Variants in SBK1 observed in about 807,000 individuals in gnomAD.
SBK1 encodes the protein serine/threonine-protein kinase SBK1.
SBK1 carries 11 observed loss-of-function variants against 24.4 expected under a neutral mutation model. The observed-to-expected ratio is 0.45, with a 90% CI of 0.28 to 0.75. SBK1 has a LOEUF of 0.75. Among genes scored for constraint, SBK1 ranks in the 30% least tolerant of loss-of-function variants. The pLI, the probability that SBK1 is intolerant of heterozygous loss-of-function variation, is 0.12. For missense variants in SBK1, 467 were observed against 620.5 expected (o/e 0.75, Z 2.63); for synonymous variants, 308 against 284.4 (o/e 1.08, Z -0.83).
chr16:28,291,274 G>A (rs1344979909), upstream of SBK1: 1 of 151,784 alleles, frequency 6.6e-6, no homozygotes, highest in Non-Finnish European at 1.5e-5. Flanking sequence ...ACCAAACACC[G>A]CATGTTCTCA....
chr16:28,290,729 G>GAAGAA (rs71389546), upstream of SBK1: 14,778 of 151,830 alleles, frequency 0.097, 1,282 homozygotes, highest in African/African-American at 0.24. Context: ...GAAGAGAAGA[G>GAAGAA]AAGAAAAGAA....
At chr16:28,279,234 T>TA (rs1348054970) in intron 1 of SBK1, among the ~76,000 whole-genome samples, 2 of 125,042 alleles carry the variant, frequency 1.6e-5, no homozygotes, top group Non-Finnish European at 1.7e-5. Context: ...GGAAAGGAAA[T>TA]AAAAAACACC....
At chr16:28,289,769 GA>G (rs796696661), upstream of SBK1, among the ~76,000 whole-genome samples, 179 of 124,750 alleles carry the variant, frequency 1.4e-3, 2 homozygotes, top group South Asian at 3.2e-3. Context: ...CTCCATCTCA[GA>G]AAAAAAAAAA....
rs1435877488 is a variant in SBK1, at chr16:28,320,978, C to G, written c.*57C>G. ...GCCCGGGCCCGCCCCGAGCCGGTGC[C>G]CGGTGCGGCGGTAGGGAATGGAGCC... On this transcript the variant is annotated 3_prime_UTR_variant, in exon 4 of 4. Transcript: ENST00000341901. The surrounding 1 kb of genome is among the most constrained non-coding windows in gnomAD (Gnocchi z 8.5). 6 of 1,328,098 alleles carry G rather than the reference C, an allele frequency of 4.5e-6. No individual in the cohort carries two copies. The East Asian group carries it at 2.2e-4, about 49-fold the overall frequency. 82.3% of individuals were successfully genotyped at this position (1,328,098 alleles called of 1,614,324 possible). A position where few individuals can be genotyped will look rare whatever the true frequency, so the allele number is the denominator to read the frequency against.
intron 1 of SBK1, among the ~76,000 whole-genome samples, chr16:28,264,736 G>C (rs1327681872): frequency 6.6e-6 from 1 of 152,122 alleles, no homozygotes; most frequent in East Asian, 1.9e-4. Flanking sequence ...AAAAGATGGT[G>C]TTGCAAGCCA....
chr16:28,321,982 T>G lies in SBK1; in HGVS notation c.*1061T>G, dbSNP rs1348902157. On this transcript the variant is annotated 3_prime_UTR_variant, in exon 4 of 4. Transcript: ENST00000341901. ...CTCCTGGGTTTCTTGGGGTCAAACA[T>G]GCCAACCTCCAAGACCCCATCCTCA... 6.6e-6 allele frequency: 1 copy of G among 152,358 alleles called. No individual in the cohort carries two copies. Among genetic ancestry groups the G allele is most frequent in the Non-Finnish European group, 1.5e-5 (1 of 68,092 alleles). The allele number at this position is 152,358 out of a possible 1,614,324, so 9.4% of individuals were successfully genotyped here. A position where few individuals can be genotyped will look rare whatever the true frequency, so the allele number is the denominator to read the frequency against.
chr16:28,293,427 G>A, intron 1 of SBK1, 127 bp downstream of exon 1: 1 of 316,464 alleles, frequency 3.2e-6, no homozygotes, highest in Non-Finnish European at 4.6e-6. Flanking sequence ...AGCCGAGGCT[G>A]AAGGACGTCT....
intron 1 of SBK1, among the ~76,000 whole-genome samples, chr16:28,281,490 G>A (rs2044533050): frequency 6.6e-6 from 1 of 152,178 alleles, no homozygotes; most frequent in Non-Finnish European, 1.5e-5. Flanking sequence ...ACGGGAGGTG[G>A]ATGGAGAGAG....
At position 28,317,749 on chromosome 16, in the gene SBK1, G is replaced by C; in HGVS notation, c.226+132G>C. On this transcript the variant is annotated intron_variant, in intron 2 of 3. Coordinates refer to ENST00000341901, the MANE Select transcript of SBK1 (RefSeq NM_001024401.3). The surrounding 1 kb of genome is among the most constrained non-coding windows in gnomAD (Gnocchi z 4.2). ...CTGTGGAAGCCAGGAGGCAGGGTCA[G>C]GGGCCAGATGTAGAGGATGAGGCCT... 2.9e-6 allele frequency: 2 copies of C among 686,246 alleles called. No homozygotes were observed. The highest frequency in any genetic ancestry group is 5.2e-6 in the Non-Finnish European group (2 of 382,318). The allele number at this position is 686,246 out of a possible 1,614,324, so 42.5% of individuals were successfully genotyped here.
intron 1 of SBK1, among the ~76,000 whole-genome samples, chr16:28,276,358 G>A (rs546257362): frequency 4.6e-4 from 70 of 152,284 alleles, no homozygotes; most frequent in African/African-American, 1.5e-3. Flanking sequence ...GCAACTGGGA[G>A]GCATAGTGAG....
upstream of SBK1, among the ~76,000 whole-genome samples, chr16:28,289,828 G>A (rs532843038): frequency 1.3e-5 from 2 of 151,596 alleles, no homozygotes; most frequent in South Asian, 2.1e-4. Flanking sequence ...GCTCACACTC[G>A]CAATCCCAGC....
intron 1 of SBK1, among the ~76,000 whole-genome samples, chr16:28,296,066 C>T (rs1404860644): frequency 6.7e-6 from 1 of 149,896 alleles, no homozygotes; most frequent in Non-Finnish European, 1.5e-5. Flanking sequence ...GCTGAGATTA[C>T]AGATGCCCAC....
chr16:28,272,713 C>T (rs2044473855), intron 1 of SBK1, among the ~76,000 whole-genome samples: 1 of 150,618 alleles, frequency 6.6e-6, no homozygotes, highest in Admixed American at 6.7e-5. Flanking sequence ...CCTCTGCCTC[C>T]CAGGTTCAAG....
chr16:28,314,162 T>A (rs200805859), intron 1 of SBK1, among the ~76,000 whole-genome samples: 9 of 151,596 alleles, frequency 5.9e-5, no homozygotes, highest in East Asian at 5.8e-4. Context: ...ATTATTATTA[T>A]TATTATTATA....
At chr16:28,298,884 C>T (rs954128616) in intron 1 of SBK1, among the ~76,000 whole-genome samples, 3 of 152,334 alleles carry the variant, frequency 2.0e-5, no homozygotes, top group Middle Eastern at 3.4e-3. Flanking sequence ...GGCTGTATAG[C>T]GCTGGGCCCC....
chr16:28,321,091 C>T lies in SBK1; in HGVS notation c.*170C>T, dbSNP rs964456143. 7 of 558,428 alleles carry T rather than the reference C, an allele frequency of 1.3e-5. No homozygotes were observed. Among genetic ancestry groups the T allele is most frequent in the Non-Finnish European group, 1.9e-5 (7 of 365,186 alleles). The allele number at this position is 558,428 out of a possible 1,614,324, so 34.6% of individuals were successfully genotyped here. On this transcript the variant is annotated 3_prime_UTR_variant, in exon 4 of 4. Transcript: ENST00000341901. Reference sequence around the variant, plus strand: ...CGTCCCCGGCGGGCTGGTGAGGGGGCCACCAAAGACCCCTAGCGCGGCCTG... The same window carrying T: ...CGTCCCCGGCGGGCTGGTGAGGGGGTCACCAAAGACCCCTAGCGCGGCCTG...
Position 28,318,996 on chromosome 16 carries a change from C to T in SBK1, c.228C>T (p.Gly76=). The change falls in exon 3 of 4, where the codon GGC becomes GGT. Residue 76 remains glycine, a splice_region_variant and synonymous_variant. Coordinates refer to ENST00000341901, the MANE Select transcript of SBK1 (RefSeq NM_001024401.3). ...KVDLVVYKGT[G]TKMALKFVNK... The stretch of plus-strand genomic sequence containing the variant: ...CCCTGTTGCTGTTGCTCCCATCAGG[C>T]ACAAAAATGGCACTGAAGTTTGTGA... The T allele has an allele frequency of 1.9e-6, 3 of 1,613,804 alleles. No homozygotes were observed. The highest frequency in any genetic ancestry group is 2.5e-6 in the Non-Finnish European group (3 of 1,179,746).
At chr16:28,308,668 C>T (rs1271350889) in intron 1 of SBK1, among the ~76,000 whole-genome samples, 1 of 151,230 alleles carries the variant, frequency 6.6e-6, no homozygotes, top group Non-Finnish European at 1.5e-5. Context: ...GCTCAAGCAA[C>T]CCACCTGCCT....
chr16:28,289,488 G>A (rs2044585953), upstream of SBK1, among the ~76,000 whole-genome samples: 3 of 152,180 alleles, frequency 2.0e-5, no homozygotes, highest in South Asian at 2.1e-4. Context: ...ATGTCAGGCC[G>A]GGTGAGGTGG....
Sources: allele counts gnomAD v4.1 joint callset (sites outside exome capture counted in the v4.1 genomes callset), GRCh38; gene constraint gnomAD v4.1.1; non-coding constraint Gnocchi (gnomAD v3.1); transcripts MANE v1.5; gene names NCBI Gene and HGNC (gene_info 2026-07-23, HGNC 2026-07-21).